SCN11A: variants seen among roughly 807,000 people sequenced by gnomAD.
SCN11A encodes the protein sodium voltage-gated channel alpha subunit 11.
SCN11A carries 122 observed loss-of-function variants against 162.2 expected under a neutral mutation model. That is an observed-to-expected ratio of 0.75 (90% CI 0.65 to 0.87). SCN11A has a LOEUF of 0.87. Among genes scored for constraint, SCN11A ranks in the 40% least tolerant of loss-of-function variants. The pLI is 0.00. For synonymous variants in SCN11A, 758 were observed against 751.5 expected (o/e 1.01, Z -0.14); for missense variants, 2,015 against 2,181.6 (o/e 0.92, Z 1.52).
At chr3:38,969,407 C>A (rs1392784195) in intron 2 of SCN11A, among the ~76,000 whole-genome samples, 1 of 152,172 alleles carries the variant, frequency 6.6e-6, no homozygotes, top group Non-Finnish European at 1.5e-5. Context: ...ATGAACAGGT[C>A]TAAGCTTTGA....
rs543034839 is a variant in SCN11A at position 38,967,195 on chromosome 3, C to T, written c.-279-6772G>A. 5.3e-5 allele frequency among the ~76,000 whole-genome samples: 8 copies of T among 152,286 alleles called. No individual in the cohort carries two copies. In the East Asian group the frequency reaches 9.7e-4, roughly 18 times the overall value. ...CAGCCTCCAAGGCAGCCCAATGATC[C>T]GTATCTCCTGATTTTCACTTTCTTG... is the stretch of plus-strand genomic sequence containing the variant. On this transcript the variant is annotated intron_variant, in intron 2 of 29. Coordinates refer to ENST00000302328, the MANE Select transcript of SCN11A (RefSeq NM_001349253.2).
chr3:38,850,398 G>C, intron 29 of SCN11A, 83 bp downstream of exon 29: 1 of 1,312,576 alleles, frequency 7.6e-7, no homozygotes, highest in Non-Finnish European at 1.1e-6. Flanking sequence ...TTTGTGGATA[G>C]TTTGAACAAA....
At chr3:38,995,911 G>T (rs947873405) in intron 2 of SCN11A, among the ~76,000 whole-genome samples, 2 of 151,902 alleles carry the variant, frequency 1.3e-5, no homozygotes, top group Non-Finnish European at 2.9e-5. Flanking sequence ...TACAGATAAG[G>T]ATGTATATAG....
chr3:38,886,187 T>G lies in SCN11A; in HGVS notation c.2887A>C (p.Ser963Arg). Reference sequence around the variant, plus strand: ...TCAGAGAACATGTCAATTTCCACACTTTGAACTCTCTGGCTCGTGGGCTTC... The same window carrying G: ...TCAGAGAACATGTCAATTTCCACACGTTGAACTCTCTGGCTCGTGGGCTTC... ...NKKPTSQRVQSVEIDMFSEDE... is the reference protein window; with the variant it reads ...NKKPTSQRVQRVEIDMFSEDE... The change falls in exon 20 of 30, where the codon AGT becomes CGT. Residue 963 changes from serine to arginine, a missense_variant. Coordinates refer to ENST00000302328, the MANE Select transcript of SCN11A (RefSeq NM_001349253.2). 6.2e-7 allele frequency: 1 copy of G among 1,613,154 alleles called. No homozygotes were observed. Among genetic ancestry groups the G allele is most frequent in the Non-Finnish European group, 8.5e-7 (1 of 1,179,884 alleles).
At chr3:38,874,286 G>A (rs959092136) in intron 23 of SCN11A, among the ~76,000 whole-genome samples, 53 of 151,482 alleles carry the variant, frequency 3.5e-4, no homozygotes, top group African/African-American at 1.2e-3. Context: ...TCTAAATATC[G>A]ATGTTATCCA....
At chr3:38,863,857 A>G (rs1419284506) in intron 27 of SCN11A, among the ~76,000 whole-genome samples, 1 of 152,200 alleles carries the variant, frequency 6.6e-6, no homozygotes, top group Non-Finnish European at 1.5e-5. Flanking sequence ...TAGAAAGGCT[A>G]GATAAACTAG....
chr3:39,039,902 C>G (rs1009144929), intron 1 of SCN11A, among the ~76,000 whole-genome samples: 1 of 152,192 alleles, frequency 6.6e-6, no homozygotes, highest in African/African-American at 2.4e-5. Flanking sequence ...AGCAACCCTG[C>G]CCCATCCAGT....
chr3:39,043,204 G>A (rs910975494), intron 1 of SCN11A, among the ~76,000 whole-genome samples: 1 of 151,990 alleles, frequency 6.6e-6, no homozygotes, highest in Non-Finnish European at 1.5e-5. Context: ...GAGAACCCTC[G>A]TATACTGTTG....
intron 2 of SCN11A, among the ~76,000 whole-genome samples, chr3:38,992,266 G>A (rs1306519479): frequency 6.6e-6 from 1 of 152,232 alleles, no homozygotes; most frequent in Non-Finnish European, 1.5e-5. Flanking sequence ...CTGATGTCAT[G>A]ATTAAGTTAC....
At chr3:38,903,279 C>T (rs1169080349) in intron 16 of SCN11A, among the ~76,000 whole-genome samples, 1 of 152,026 alleles carries the variant, frequency 6.6e-6, no homozygotes, top group Non-Finnish European at 1.5e-5. Context: ...GTGAACAGTC[C>T]TTGAAAAGTC....
intron 11 of SCN11A, among the ~76,000 whole-genome samples, chr3:38,919,586 G>C (rs1056104282): frequency 6.6e-6 from 1 of 152,172 alleles, no homozygotes; most frequent in Non-Finnish European, 1.5e-5. Flanking sequence ...TCTTGCAGCA[G>C]GGCAATGCCA....
chr3:38,929,889 A>G (rs2066214200), intron 7 of SCN11A, among the ~76,000 whole-genome samples: 1 of 152,194 alleles, frequency 6.6e-6, no homozygotes, highest in African/African-American at 2.4e-5. Flanking sequence ...CACCAGATAC[A>G]GACCCTTTGA....
intron 2 of SCN11A, among the ~76,000 whole-genome samples, chr3:39,022,304 T>C (rs749051451): frequency 1.4e-4 from 22 of 152,166 alleles, no homozygotes; most frequent in Non-Finnish European, 2.2e-4. Context: ...TTAATAAATA[T>C]GTATATTTGG....
intron 28 of SCN11A, among the ~76,000 whole-genome samples, chr3:38,851,927 T>A (rs1052924027): frequency 2.6e-5 from 4 of 152,114 alleles, no homozygotes; most frequent in African/African-American, 9.7e-5. Context: ...AGACTGAGAA[T>A]ATAGTTTCCG....
intron 2 of SCN11A, among the ~76,000 whole-genome samples, chr3:38,986,887 T>C (rs1416631863): frequency 6.6e-6 from 1 of 152,170 alleles, no homozygotes; most frequent in African/African-American, 2.4e-5. Flanking sequence ...TAGAGCCACA[T>C]GTCATTTTCC....
At chr3:38,995,583 CCT>C (rs2030600396) in intron 2 of SCN11A, among the ~76,000 whole-genome samples, 1 of 152,122 alleles carries the variant, frequency 6.6e-6, no homozygotes, top group Non-Finnish European at 1.5e-5. Context: ...AGGAGAAATT[CCT>C]CTCTTTTCCT....
At chr3:38,870,635 CATG>C in intron 26 of SCN11A, 53 bp downstream of exon 26, 1 of 1,459,612 alleles carries the variant, frequency 6.9e-7, no homozygotes, top group South Asian at 1.1e-5. Flanking sequence ...TCCATGTAGT[CATG>C]ATATCTCTGA....
chr3:38,897,827 A>T (rs1320411114), intron 17 of SCN11A, among the ~76,000 whole-genome samples: 1 of 152,218 alleles, frequency 6.6e-6, no homozygotes, highest in Non-Finnish European at 1.5e-5. Flanking sequence ...AATATTTTGG[A>T]ATTATATGTA....
At chr3:39,035,542 ATTTTTTC>A (rs2031880450) in intron 1 of SCN11A, among the ~76,000 whole-genome samples, 1 of 151,922 alleles carries the variant, frequency 6.6e-6, no homozygotes, top group African/African-American at 2.4e-5. Flanking sequence ...TCTGGGCAAA[ATTTTTTC>A]TTTTTTCTTT....
Sources: gnomAD v4.1 joint callset for allele counts (sites outside exome capture counted in the v4.1 genomes callset) on GRCh38, gnomAD v4.1.1 for gene constraint, MANE v1.5 for transcripts, NCBI Gene and HGNC (gene_info 2026-07-23, HGNC 2026-07-21) for gene names.